Variants in GALNT2 observed in about 807,000 individuals in gnomAD.
GALNT2 encodes polypeptide N-acetylgalactosaminyltransferase 2, also known as UDP-GalNAc:polypeptide N-acetylgalactosaminyltransferase 2.
A neutral mutation model predicts 81.4 loss-of-function variants in GALNT2; 31 were observed. The observed-to-expected ratio is 0.38, with a 90% CI of 0.29 to 0.51. GALNT2 has a LOEUF of 0.51. Ranked by LOEUF, GALNT2 falls within the 20% of genes least tolerant of loss-of-function variation. The pLI is 0.87. For synonymous variants in GALNT2, 303 were observed against 287.4 expected (o/e 1.05, Z -0.55); for missense variants, 629 against 765.7 (o/e 0.82, Z 2.11).
At chr1:230,252,072 G>T (rs753907501) in intron 10 of GALNT2, among the ~76,000 whole-genome samples, 1 of 152,148 alleles carries the variant, frequency 6.6e-6, no homozygotes, top group Non-Finnish European at 1.5e-5. Context: ...CTCCGTGAGG[G>T]GCTCTCCTGG....
intron 8 of GALNT2, among the ~76,000 whole-genome samples, chr1:230,247,257 C>A (rs1665402924): frequency 6.6e-6 from 1 of 152,042 alleles, no homozygotes; most frequent in South Asian, 2.1e-4. Context: ...AAGCCTTAAC[C>A]CCAGAAAACA....
chr1:230,175,498 CTG>C (rs1182872247), intron 1 of GALNT2, among the ~76,000 whole-genome samples: 1 of 151,876 alleles, frequency 6.6e-6, no homozygotes, highest in East Asian at 1.9e-4. Flanking sequence ...CTCGTAAATA[CTG>C]TGTTAGGCAG....
intron 3 of GALNT2, among the ~76,000 whole-genome samples, chr1:230,232,279 C>CT (rs1156258611): frequency 1.3e-5 from 2 of 152,112 alleles, no homozygotes; most frequent in African/African-American, 4.8e-5. Flanking sequence ...TGGGATCCCT[C>CT]TTAAGTTTCC....
Position 230,095,216 on chromosome 1 carries a change from C to T in GALNT2, c.126+27810C>T, listed in dbSNP as rs568147293. 6.6e-5 allele frequency among the ~76,000 whole-genome samples: 10 copies of T among 152,276 alleles called. No homozygotes were observed. The East Asian group carries it at 1.7e-3, about 26-fold the overall frequency. On this transcript the variant is annotated intron_variant, in intron 1 of 15. Coordinates refer to ENST00000366672, the MANE Select transcript of GALNT2 (RefSeq NM_004481.5). Reference sequence around the variant, plus strand: ...CCGCGGGGCTGTGACACTGTCCTTTCTGTGGCTTGGGTGGACTTCAGGGTG... The same window carrying T: ...CCGCGGGGCTGTGACACTGTCCTTTTTGTGGCTTGGGTGGACTTCAGGGTG...
At chr1:230,178,937 C>T (rs1256452015) in intron 2 of GALNT2, among the ~76,000 whole-genome samples, 7 of 152,208 alleles carry the variant, frequency 4.6e-5, no homozygotes, top group Admixed American at 6.5e-5. Flanking sequence ...CCTTTGCTCC[C>T]CCCAGCCCCT....
intron 1 of GALNT2, among the ~76,000 whole-genome samples, chr1:230,068,322 G>A (rs987504628): frequency 9.2e-5 from 14 of 152,358 alleles, no homozygotes; most frequent in African/African-American, 3.4e-4. Context: ...GGGACAGCGC[G>A]GTCCTGCGGC....
intron 1 of GALNT2, among the ~76,000 whole-genome samples, chr1:230,106,918 A>G (rs552486361): frequency 2.6e-5 from 4 of 152,322 alleles, no homozygotes; most frequent in South Asian, 2.1e-4. Context: ...TATTTCCCCC[A>G]TATTTTCAGT....
intron 1 of GALNT2, among the ~76,000 whole-genome samples, chr1:230,088,536 G>GT (rs769354458): frequency 0.026 from 3,614 of 141,384 alleles, 101 homozygotes; most frequent in African/African-American, 0.072. Context: ...CTTCTGTCTA[G>GT]TTTTTTTTTT....
At chr1:230,164,476 C>T (rs114516561) in intron 1 of GALNT2, among the ~76,000 whole-genome samples, 2 of 151,532 alleles carry the variant, frequency 1.3e-5, no homozygotes, top group Admixed American at 1.3e-4. Context: ...GCAGGCTTGG[C>T]GGACTGCATC....
chr1:230,266,352 G>A (rs942163394), intron 14 of GALNT2, among the ~76,000 whole-genome samples: 3 of 152,218 alleles, frequency 2.0e-5, no homozygotes, highest in African/African-American at 7.2e-5. Context: ...GGTGAAATGT[G>A]AGCTTCATGC....
At chr1:230,189,742 A>C (rs893374641) in intron 2 of GALNT2, among the ~76,000 whole-genome samples, 3 of 152,228 alleles carry the variant, frequency 2.0e-5, no homozygotes, top group African/African-American at 7.2e-5. Flanking sequence ...TGCAGTCATC[A>C]CCACCATCAA....
Position 230,215,002 on chromosome 1 carries a change from T to G in GALNT2, c.374+11712T>G, listed in dbSNP as rs138849451. Among the ~76,000 whole-genome samples the G allele has an allele frequency of 3.5e-3, 539 of 152,304 alleles. 1 individual carries two copies. Among genetic ancestry groups the G allele is most frequent in the Non-Finnish European group, 6.0e-3 (407 of 68,014 alleles). ...TTCAGGGCTCTCACTGACTTTTTCC[T>G]CCAAAGAGGATTTAGTTTTGTTCTC... On this transcript the variant is annotated intron_variant, in intron 3 of 15. Transcript: ENST00000366672.
intron 3 of GALNT2, among the ~76,000 whole-genome samples, chr1:230,230,795 A>G (rs913091051): frequency 3.9e-5 from 6 of 152,182 alleles, no homozygotes; most frequent in Non-Finnish European, 8.8e-5. Context: ...TCCTTACAAA[A>G]TCCGAATTAC....
intron 3 of GALNT2, among the ~76,000 whole-genome samples, chr1:230,220,537 G>T (rs1364459362): frequency 6.6e-6 from 1 of 151,926 alleles, no homozygotes; most frequent in Non-Finnish European, 1.5e-5. Context: ...TTAGCACCCA[G>T]CGTAGCTCCT....
chr1:230,277,194 A>C (rs1241305735), intron 15 of GALNT2, among the ~76,000 whole-genome samples: 1 of 152,184 alleles, frequency 6.6e-6, no homozygotes, highest in Non-Finnish European at 1.5e-5. Flanking sequence ...CCCAAGACTC[A>C]GGCTATTAGA....
At chr1:230,244,086 A>G (rs1265546162) in intron 7 of GALNT2, among the ~76,000 whole-genome samples, 3 of 151,812 alleles carry the variant, frequency 2.0e-5, no homozygotes, top group African/African-American at 7.3e-5. Context: ...CTACTAAGAA[A>G]GCACTTCCTT....
intron 2 of GALNT2, among the ~76,000 whole-genome samples, chr1:230,186,099 A>G (rs72649528): frequency 8.5e-5 from 13 of 152,220 alleles, no homozygotes; most frequent in Non-Finnish European, 1.6e-4. Flanking sequence ...ACGACTTTCA[A>G]GCTCCTTACA....
At chr1:230,167,874 T>C (rs1662662499) in intron 1 of GALNT2, among the ~76,000 whole-genome samples, 1 of 152,260 alleles carries the variant, frequency 6.6e-6, no homozygotes. Flanking sequence ...CCACCTTTTT[T>C]TCTTACCTAT....
intron 1 of GALNT2, among the ~76,000 whole-genome samples, chr1:230,087,470 C>T (rs1659933506): frequency 1.3e-5 from 2 of 152,204 alleles, no homozygotes; most frequent in African/African-American, 4.8e-5. Flanking sequence ...TTTACTCCCC[C>T]ATAACTGCCA....
Sources: gnomAD v4.1 joint callset for allele counts (sites outside exome capture counted in the v4.1 genomes callset) on GRCh38, gnomAD v4.1.1 for gene constraint, MANE v1.5 for transcripts, NCBI Gene and HGNC (gene_info 2026-07-23, HGNC 2026-07-21) for gene names.